MTMR9: variants seen among roughly 807,000 people sequenced by gnomAD.
The protein encoded by MTMR9 is myotubularin related protein 9, also known as myotubularin-related protein 9.
Under a neutral mutation model 69.5 loss-of-function variants are expected in MTMR9, and 39 were observed. The observed-to-expected ratio is 0.56, with a 90% CI of 0.43 to 0.73. The LOEUF is 0.73. Among genes scored for constraint, MTMR9 ranks in the 30% least tolerant of loss-of-function variants. MTMR9 has a pLI of 0.00. For synonymous variants in MTMR9, 354 were observed against 240.8 expected, an observed-to-expected ratio of 1.47 and a Z score of -4.35; for missense variants, 900 against 671.2, an observed-to-expected ratio of 1.34 and a Z score of -3.77.
chr8:11,323,345 T>G lies in MTMR9; in HGVS notation c.*557T>G, dbSNP rs1157651311. ...TTGGACTAACGAAGCTGAAATCTATTCTCATTCTTGTTTGTCAAGAAAGGA... is the reference window on the plus strand; with the variant it reads ...TTGGACTAACGAAGCTGAAATCTATGCTCATTCTTGTTTGTCAAGAAAGGA... On this transcript the variant is annotated 3_prime_UTR_variant, in exon 10 of 10. Transcript: ENST00000221086. The G allele has an allele frequency of 6.6e-6, 1 of 152,264 alleles. No individual in the cohort carries two copies. Among genetic ancestry groups the G allele is most frequent in the African/African-American group, 2.4e-5 (1 of 41,478 alleles). 9.4% of individuals were successfully genotyped at this position (152,264 alleles called of 1,614,324 possible). A position where few individuals can be genotyped will look rare whatever the true frequency, so the allele number is the denominator to read the frequency against.
At chr8:11,296,749 C>G (rs1799576145) in intron 2 of MTMR9, among the ~76,000 whole-genome samples, 1 of 152,108 alleles carries the variant, frequency 6.6e-6, no homozygotes, top group African/African-American at 2.4e-5. Context: ...GTTATGGATG[C>G]ATGTGGTGAG....
chr8:11,303,559 A>C (rs373308476), intron 3 of MTMR9, among the ~76,000 whole-genome samples: 1 of 152,064 alleles, frequency 6.6e-6, no homozygotes, highest in African/African-American at 2.4e-5. Context: ...TTTTGAAACA[A>C]TCTCACTCCA....
chr8:11,322,996 A>C lies in MTMR9; in HGVS notation c.*208A>C, dbSNP rs1242798204. ...TTCATGTGGCCTGTTAGGGCCTGTCACTTTGGGAGCCGGAAGGAGGTGCTA... is the reference window on the plus strand; with the variant it reads ...TTCATGTGGCCTGTTAGGGCCTGTCCCTTTGGGAGCCGGAAGGAGGTGCTA... On this transcript the variant is annotated 3_prime_UTR_variant, in exon 10 of 10. Coordinates refer to ENST00000221086, the MANE Select transcript of MTMR9 (RefSeq NM_015458.4). The C allele has an allele frequency of 5.3e-6, 2 of 378,604 alleles. No homozygotes were observed. Among genetic ancestry groups the C allele is most frequent in the Non-Finnish European group, 9.3e-6 (2 of 216,000 alleles). 23.5% of individuals were successfully genotyped at this position (378,604 alleles called of 1,614,324 possible).
rs997591498 is a variant in MTMR9 at position 11,327,500 on chromosome 8, G to A, written c.*4712G>A. The A allele has an allele frequency of 6.6e-6, 1 of 152,492 alleles. No homozygotes were observed. Among genetic ancestry groups the A allele is most frequent in the Admixed American group, 6.5e-5 (1 of 15,272 alleles). 9.4% of individuals were successfully genotyped at this position (152,492 alleles called of 1,614,324 possible). Reference sequence around the variant, plus strand: ...TTTTAAAATGCACGTTATCTTTGGAGAGGTGAATTATTCTACAAAATGCAC... The same window carrying A: ...TTTTAAAATGCACGTTATCTTTGGAAAGGTGAATTATTCTACAAAATGCAC... On this transcript the variant is annotated 3_prime_UTR_variant, in exon 10 of 10. Transcript: ENST00000221086.
intron 2 of MTMR9, among the ~76,000 whole-genome samples, chr8:11,296,729 ATAT>A (rs1799575476): frequency 6.6e-6 from 1 of 152,198 alleles, no homozygotes; most frequent in African/African-American, 2.4e-5. Flanking sequence ...AGGCTGAGTA[ATAT>A]TCCATTGTTA....
intron 6 of MTMR9, among the ~76,000 whole-genome samples, chr8:11,312,170 A>C (rs1373586510): frequency 6.6e-6 from 1 of 151,848 alleles, no homozygotes; most frequent in Non-Finnish European, 1.5e-5. Context: ...TCAGCCTCCC[A>C]AATAGCCAGT....
downstream of MTMR9, chr8:11,331,822 T>C (rs1372308268): frequency 2.5e-6 from 4 of 1,611,802 alleles, no homozygotes; most frequent in South Asian, 3.3e-5. Context: ...CCAGGCCTCT[T>C]TGTGCTGCAG....
At chr8:11,301,067 G>C (rs192904569) in intron 3 of MTMR9, among the ~76,000 whole-genome samples, 1 of 152,306 alleles carries the variant, frequency 6.6e-6, no homozygotes, top group East Asian at 1.9e-4. Context: ...ACAAGTAGCA[G>C]GCTGGATTTG....
At chr8:11,331,045 G>T, downstream of MTMR9, 1 of 1,537,890 alleles carries the variant, frequency 6.5e-7, no homozygotes, top group Non-Finnish European at 8.7e-7. Context: ...GGTCACAATG[G>T]CTGGAGCTCT....
In MTMR9 at chr8:11,284,963, C is replaced by G. The variant is rs1251201006; in HGVS notation, c.75C>G (p.Val25=). Reference sequence around the variant, plus strand: ...TGCACCGGCCTTTCTACCCGGCTGTCGAGGGCACCCTGTGCCTGACGGGCC... The same window carrying G: ...TGCACCGGCCTTTCTACCCGGCTGTGGAGGGCACCCTGTGCCTGACGGGCC... ...VVLHRPFYPA[V]EGTLCLTGHH... The change falls in exon 1 of 10, where the codon GTC becomes GTG. Residue 25 remains valine, a synonymous_variant. Coordinates refer to ENST00000221086, the MANE Select transcript of MTMR9 (RefSeq NM_015458.4). The G allele has an allele frequency of 1.9e-6, 3 of 1,613,782 alleles. No homozygotes were observed. The highest frequency in any genetic ancestry group is 1.7e-6 in the Non-Finnish European group (2 of 1,179,952).
rs1195412723 is a variant in MTMR9 at position 11,286,102 on chromosome 8, G to A, written c.182+1032G>A. On this transcript the variant is annotated intron_variant, in intron 1 of 9. Transcript: ENST00000221086. The stretch of plus-strand genomic sequence containing the variant: ...CGAGTAGCTGGGATTACAGGCACGC[G>A]CCACCACACCCGGCTAATTTTTGTA... Among the ~76,000 whole-genome samples the A allele has an allele frequency of 2.0e-5, 3 of 151,378 alleles. No individual in the cohort carries two copies. The East Asian group carries it at 5.9e-4, about 30-fold the overall frequency.
In MTMR9 at chr8:11,285,105, C is replaced by A. The variant is rs758423001; in HGVS notation, c.182+35C>A. On this transcript the variant is annotated intron_variant, in intron 1 of 9. Transcript: ENST00000221086. ...CGCCCCACCCCAGCTCCGCAGGGAG[C>A]CGGGGGTCCCTTGTGGGCGCCCCGG... The A allele has an allele frequency of 1.4e-5, 21 of 1,503,726 alleles. No homozygotes were observed. The African/African-American group carries it at 3.0e-4, about 22-fold the overall frequency. The allele number at this position is 1,503,726 out of a possible 1,614,324, so 93.1% of individuals were successfully genotyped here. A position where few individuals can be genotyped will look rare whatever the true frequency, so the allele number is the denominator to read the frequency against.
intron 5 of MTMR9, among the ~76,000 whole-genome samples, chr8:11,306,748 T>C (rs1202199645): frequency 6.6e-6 from 1 of 152,238 alleles, no homozygotes; most frequent in East Asian, 1.9e-4. Context: ...GCATACAATA[T>C]ATTAGTTTTA....
chr8:11,299,983 GGA>G (rs1799695888), intron 2 of MTMR9, 38 bp from the exon 3 acceptor site: 1 of 1,596,126 alleles, frequency 6.3e-7, no homozygotes, highest in African/African-American at 1.4e-5. Context: ...TTCCAGTTGT[GGA>G]TGTTTCTTTT....
chr8:11,300,013 T>C lies in MTMR9; in HGVS notation c.292-10T>C, dbSNP rs1483461223. The C allele has an allele frequency of 6.2e-7, 1 of 1,601,528 alleles. No homozygotes were observed. Among genetic ancestry groups the C allele is most frequent in the Non-Finnish European group, 8.5e-7 (1 of 1,176,148 alleles). ...TTTCTTTTTTGTCTTTCTTTTCTTT[T>C]TGCCCCCAGGCATTGTCTACTCTGG... On this transcript the variant is annotated splice_polypyrimidine_tract_variant and intron_variant, in intron 2 of 9. Coordinates refer to ENST00000221086, the MANE Select transcript of MTMR9 (RefSeq NM_015458.4).
downstream of MTMR9, chr8:11,328,175 A>C (rs1248342200): frequency 6.6e-6 from 1 of 151,636 alleles, no homozygotes; most frequent in Non-Finnish European, 1.5e-5. Flanking sequence ...TTTTTTTTTC[A>C]AATATTGGTG....
chr8:11,328,053 C>G lies in MTMR9; in HGVS notation c.*5265C>G, dbSNP rs536069623. On this transcript the variant is annotated 3_prime_UTR_variant, in exon 10 of 10. Coordinates refer to ENST00000221086, the MANE Select transcript of MTMR9 (RefSeq NM_015458.4). ...TGTAATATTTGCGTATGGTGTTCCT[C>G]TGCCTCAGAGGACAGTTGCACAGAT... The G allele has an allele frequency of 2.0e-5, 3 of 152,270 alleles. No homozygotes were observed. Among genetic ancestry groups the G allele is most frequent in the African/African-American group, 4.8e-5 (2 of 41,554 alleles). The allele number at this position is 152,270 out of a possible 1,614,324, so 9.4% of individuals were successfully genotyped here.
Position 11,306,249 on chromosome 8 carries a change from C to T in MTMR9, c.651C>T (p.Asp217=), listed in dbSNP as rs201841195. ...TGTNGRRCKE[D]EKLINATLRA... is the part of the protein sequence containing the mutation. ...CAAACGGGAGGAGGTGCAAGGAGGA[C>T]GAGAAGCTGATAAATGCTACCCTCA... Residue 217 remains aspartate, a synonymous_variant, in exon 5 of 10, where the codon GAC becomes GAT. Transcript: ENST00000221086. 3.8e-5 allele frequency: 62 copies of T among 1,613,788 alleles called. No homozygotes were observed. The highest frequency in any genetic ancestry group is 2.7e-4 in the South Asian group (25 of 91,066).
intron 6 of MTMR9, 38 bp from the exon 7 acceptor site, chr8:11,314,885 C>T (rs1474853276): frequency 4.4e-6 from 7 of 1,601,144 alleles, no homozygotes; most frequent in African/African-American, 4.0e-5. Context: ...CCATGTTGGA[C>T]ATTTCCCATT....
Sources: allele counts gnomAD v4.1 joint callset (sites outside exome capture counted in the v4.1 genomes callset), GRCh38; gene constraint gnomAD v4.1.1; transcripts MANE v1.5; gene names NCBI Gene and HGNC (gene_info 2026-07-23, HGNC 2026-07-21).